The following PTPRK variants were observed in gnomAD, a reference collection of about 807,000 sequenced individuals.
PTPRK encodes the protein protein tyrosine phosphatase receptor type K.
Under a neutral mutation model 178.0 loss-of-function variants are expected in PTPRK, and 75 were observed. The ratio of observed to expected loss-of-function variants is 0.42; its 90% CI spans 0.35 to 0.51. The LOEUF (loss-of-function observed/expected upper bound fraction) is 0.51, where lower values mean the gene tolerates loss of function less well. PTPRK is among the 20% of genes least tolerant of loss of function. The probability of loss-of-function intolerance (pLI) is 0.02; values close to 1 mark genes in which losing one functional copy is unlikely to be tolerated. For synonymous variants in PTPRK, 637 were observed against 620.6 expected (o/e 1.03, Z -0.39); for missense variants, 1,441 against 1,797.8 (o/e 0.80, Z 3.59).
intron 3 of PTPRK, among the ~76,000 whole-genome samples, chr6:128,316,776 G>C (rs1483454639): frequency 6.7e-6 from 1 of 149,918 alleles, no homozygotes; most frequent in Non-Finnish European, 1.5e-5. Context: ...GGAGTGCAGT[G>C]GTGCGATCTC....
intron 7 of PTPRK, among the ~76,000 whole-genome samples, chr6:128,149,520 G>A (rs1316493077): frequency 2.6e-5 from 4 of 151,972 alleles, no homozygotes; most frequent in Admixed American, 2.6e-4. Flanking sequence ...AATTAGATAG[G>A]CATATAGTCC....
rs571962424 is a variant in PTPRK at position 127,984,855 on chromosome 6, T to A, written c.3251+866A>T. Reference sequence around the variant, plus strand: ...TCATGAGGAGGATTGAAAGGAAGTTTTTTTTGTTTTCAGGGTACATAGTAT... The same window carrying A: ...TCATGAGGAGGATTGAAAGGAAGTTATTTTTGTTTTCAGGGTACATAGTAT... On this transcript the variant is annotated intron_variant, in intron 22 of 29. Coordinates refer to ENST00000368226, the MANE Select transcript of PTPRK (RefSeq NM_002844.4). 5.0e-3 allele frequency among the ~76,000 whole-genome samples: 767 copies of A among 152,274 alleles called. 13 individuals carry two copies. The highest frequency in any genetic ancestry group is 0.017 in the African/African-American group (716 of 41,552).
At chr6:128,346,190 T>C (rs574445780) in intron 2 of PTPRK, among the ~76,000 whole-genome samples, 62 of 152,206 alleles carry the variant, frequency 4.1e-4, no homozygotes, top group African/African-American at 1.4e-3. Flanking sequence ...TAGAATTCTA[T>C]GATTTTTAGG....
intron 7 of PTPRK, among the ~76,000 whole-genome samples, chr6:128,173,478 G>A (rs1285159761): frequency 1.3e-5 from 2 of 152,032 alleles, no homozygotes; most frequent in African/African-American, 4.8e-5. Flanking sequence ...TCTCGCAAGA[G>A]GAATTAAATG....
At position 128,485,087 on chromosome 6, in the gene PTPRK, A is replaced by T. The variant is rs2128425852; in HGVS notation, c.100+35172T>A. ...TATACGCAGTTTTAATGCTACCCAC[A>T]AATAAATACAAGCTATATAATTACA... On this transcript the variant is annotated intron_variant, in intron 1 of 29. Coordinates refer to ENST00000368226, the MANE Select transcript of PTPRK (RefSeq NM_002844.4). 3.9e-5 allele frequency among the ~76,000 whole-genome samples: 6 copies of T among 152,358 alleles called. No homozygotes were observed. The South Asian group carries it at 1.2e-3, about 32-fold the overall frequency.
chr6:128,227,095 T>C (rs1811482462), intron 5 of PTPRK, among the ~76,000 whole-genome samples: 2 of 152,164 alleles, frequency 1.3e-5, no homozygotes, highest in African/African-American at 4.8e-5. Context: ...CAAGTATCTA[T>C]GGAAGGCAAA....
In PTPRK at chr6:128,166,640, T is replaced by A. The variant is rs1401867160; in HGVS notation, c.1162+17792A>T. 3.3e-5 allele frequency among the ~76,000 whole-genome samples: 5 copies of A among 151,738 alleles called. No homozygotes were observed. In the East Asian group the frequency reaches 9.7e-4, roughly 29 times the overall value. ...TACATTTAGCATCAAATCTATGGTGTCTTCTAATAACATAAGACTCTCCTC... is the reference window on the plus strand; with the variant it reads ...TACATTTAGCATCAAATCTATGGTGACTTCTAATAACATAAGACTCTCCTC... On this transcript the variant is annotated intron_variant, in intron 7 of 29. Coordinates refer to ENST00000368226, the MANE Select transcript of PTPRK (RefSeq NM_002844.4).
At chr6:128,346,966 T>G (rs1412631822) in intron 2 of PTPRK, among the ~76,000 whole-genome samples, 1 of 152,116 alleles carries the variant, frequency 6.6e-6, no homozygotes, top group Non-Finnish European at 1.5e-5. Context: ...CTTTAACTGA[T>G]TAAAATGCTA....
At chr6:128,225,453 T>C (rs1562822954) in intron 5 of PTPRK, among the ~76,000 whole-genome samples, 1 of 152,148 alleles carries the variant, frequency 6.6e-6, no homozygotes, top group Admixed American at 6.6e-5. Flanking sequence ...CCAGCCAAAT[T>C]AATCCCAAGG....
intron 7 of PTPRK, among the ~76,000 whole-genome samples, chr6:128,104,651 A>C (rs1477118001): frequency 6.6e-6 from 1 of 152,208 alleles, no homozygotes; most frequent in African/African-American, 2.4e-5. Context: ...AGTTCCTGGC[A>C]TATAAGTGAC....
At chr6:128,097,681 T>C (rs1015587928) in intron 7 of PTPRK, among the ~76,000 whole-genome samples, 14 of 152,142 alleles carry the variant, frequency 9.2e-5, no homozygotes, top group Non-Finnish European at 1.8e-4. Flanking sequence ...TCCACTTCGA[T>C]TCATCTCTGA....
At chr6:128,067,982 T>C (rs1477306218) in intron 11 of PTPRK, among the ~76,000 whole-genome samples, 190 bp from the exon 12 acceptor site, 1 of 152,072 alleles carries the variant, frequency 6.6e-6, no homozygotes, top group Non-Finnish European at 1.5e-5. Flanking sequence ...GATGCTGCTG[T>C]CCCTAACATC....
chr6:128,468,331 C>A (rs1215349812), intron 1 of PTPRK, among the ~76,000 whole-genome samples: 1 of 152,018 alleles, frequency 6.6e-6, no homozygotes, highest in Non-Finnish European at 1.5e-5. Context: ...AATCTTAGAC[C>A]AAATTTCAGT....
intron 19 of PTPRK, among the ~76,000 whole-genome samples, chr6:127,992,407 C>T (rs1006674549): frequency 2.0e-5 from 3 of 151,676 alleles, no homozygotes; most frequent in African/African-American, 7.3e-5. Flanking sequence ...GACTAGTGCT[C>T]TGACCTATCT....
At chr6:128,000,608 C>T (rs943332471) in intron 15 of PTPRK, among the ~76,000 whole-genome samples, 10 of 152,038 alleles carry the variant, frequency 6.6e-5, no homozygotes, top group East Asian at 1.9e-4. Context: ...TCTCACTATG[C>T]GACCAAAGTC....
At chr6:128,432,121 C>T (rs1844913779) in intron 1 of PTPRK, among the ~76,000 whole-genome samples, 1 of 152,200 alleles carries the variant, frequency 6.6e-6, no homozygotes, top group Non-Finnish European at 1.5e-5. Context: ...TCACCAACTA[C>T]TATTTTCAAA....
intron 7 of PTPRK, among the ~76,000 whole-genome samples, chr6:128,173,029 C>T (rs973264346): frequency 4.6e-5 from 7 of 151,818 alleles, no homozygotes; most frequent in South Asian, 2.1e-4. Flanking sequence ...AATAAAGGGA[C>T]GAATATAGAA....
chr6:127,991,588 T>G lies in PTPRK; in HGVS notation c.2882-197A>C, dbSNP rs929061711. Among the ~76,000 whole-genome samples, 3 of 151,246 alleles carry G rather than the reference T, an allele frequency of 2.0e-5. No homozygotes were observed. The South Asian group carries it at 6.2e-4, about 31-fold the overall frequency. On this transcript the variant is annotated intron_variant, in intron 19 of 29. Coordinates refer to ENST00000368226, the MANE Select transcript of PTPRK (RefSeq NM_002844.4). The stretch of plus-strand genomic sequence containing the variant: ...AAACACAGGCATATACAAGTTTTTT[T>G]TTTTTTTTTTTCAATTTGCCCTCTA...
rs188924396 is a variant in PTPRK at position 128,444,763 on chromosome 6, C to T, written c.101-47075G>A. On this transcript the variant is annotated intron_variant, in intron 1 of 29. Coordinates refer to ENST00000368226, the MANE Select transcript of PTPRK (RefSeq NM_002844.4). ...ATTATGAAGAAAAGGGAAGTAGCTT[C>T]CTAAGGAGCTTGTTGCCAAAAGAGT... 4.9e-3 allele frequency among the ~76,000 whole-genome samples: 743 copies of T among 152,186 alleles called. 11 individuals are homozygous for T. The highest frequency in any genetic ancestry group is 0.017 in the African/African-American group (701 of 41,528).
Sources: gnomAD v4.1 joint callset for allele counts (sites outside exome capture counted in the v4.1 genomes callset) on GRCh38, gnomAD v4.1.1 for gene constraint, MANE v1.5 for transcripts, NCBI Gene and HGNC (gene_info 2026-07-23, HGNC 2026-07-21) for gene names.